Variants in CUX2 observed in about 807,000 individuals in gnomAD.
CUX2 encodes homeobox protein cut-like 2.
In CUX2, 40 loss-of-function variants were observed where a neutral mutation model predicts 144.8. The observed-to-expected ratio is 0.28, with a 90% CI of 0.21 to 0.36. The LOEUF (loss-of-function observed/expected upper bound fraction) is 0.36, where lower values mean the gene tolerates loss of function less well. CUX2 is among the 10% of genes least tolerant of loss of function. The pLI is 1.00. For synonymous variants in CUX2, 827 were observed against 875.6 expected (o/e 0.94, Z 0.98); for missense variants, 1,615 against 1,994.0 (o/e 0.81, Z 3.62).
At chr12:111,314,289 G>A (rs1184613705) in intron 16 of CUX2, among the ~76,000 whole-genome samples, 1 of 151,730 alleles carries the variant, frequency 6.6e-6, no homozygotes, top group Non-Finnish European at 1.5e-5. Flanking sequence ...GGCTGGGTGT[G>A]GCAGCTAACT....
intron 1 of CUX2, among the ~76,000 whole-genome samples, chr12:111,079,352 C>T (rs539575768): frequency 6.6e-6 from 1 of 152,276 alleles, no homozygotes; most frequent in Non-Finnish European, 1.5e-5. Flanking sequence ...ACATCATCTG[C>T]GACACACAGC....
At position 111,338,114 on chromosome 12, in the gene CUX2, C is replaced by CT. The variant is rs529834240; in HGVS notation, c.3197-171dup. Among the ~76,000 whole-genome samples, 3 of 152,318 alleles carry CT rather than the reference C, an allele frequency of 2.0e-5. No homozygotes were observed. In the South Asian group the frequency reaches 6.2e-4, roughly 32 times the overall value. ...AAATCTCTTTTACAGACAGACCCCC[C>CT]TCGGCTTCACATCAGGTGTGGGTCC... is the stretch of plus-strand genomic sequence containing the variant. On this transcript the variant is annotated intron_variant, in intron 19 of 21. Transcript: ENST00000261726.
chr12:111,191,712 T>C (rs1190989115), intron 1 of CUX2, among the ~76,000 whole-genome samples: 1 of 152,228 alleles, frequency 6.6e-6, no homozygotes, highest in African/African-American at 2.4e-5. Context: ...TGATATCCAC[T>C]GTGCCTTCTC....
intron 1 of CUX2, among the ~76,000 whole-genome samples, chr12:111,065,207 A>T (rs1477431020): frequency 6.6e-6 from 1 of 152,250 alleles, no homozygotes; most frequent in East Asian, 1.9e-4. Flanking sequence ...ACAGTCTCTA[A>T]CACAATGACT....
rs759922841 is a variant in CUX2 at position 111,077,210 on chromosome 12, C to T, written c.63+42970C>T. 6.6e-5 allele frequency among the ~76,000 whole-genome samples: 10 copies of T among 152,294 alleles called. No homozygotes were observed. The highest frequency in any genetic ancestry group is 1.2e-4 in the Non-Finnish European group (8 of 68,020). On this transcript the variant is annotated intron_variant, in intron 1 of 21. Coordinates refer to ENST00000261726, the MANE Select transcript of CUX2 (RefSeq NM_015267.4). The surrounding 1 kb of genome is among the most constrained non-coding windows in gnomAD (Gnocchi z 4.1). ...AATTCCAAATAGTGCTCCCAAACCC[C>T]GCAGCGCCCCCGAGGCCCAAGCTGG...
rs1436443395 is a variant in CUX2 at position 111,347,707 on chromosome 12, TGAG to T, written c.3847_3849del (p.Glu1283del). On this transcript the variant is annotated inframe_deletion, in exon 22 of 22. Transcript: ENST00000261726. ...AGGAACTGGAGCTTCAGGAGGGCCCTGAGGAGAACAGCACACCCCTGACCACCC... is the reference window on the plus strand; with the variant it reads ...AGGAACTGGAGCTTCAGGAGGGCCCTGAGAACAGCACACCCCTGACCACCC... 1 of 1,568,620 alleles carries T rather than the reference TGAG, an allele frequency of 6.4e-7. No individual in the cohort carries two copies. The highest frequency in any genetic ancestry group is 1.1e-5 in the South Asian group (1 of 90,298).
At position 111,347,711 on chromosome 12, in the gene CUX2, G is replaced by A. The variant is rs61745424; in HGVS notation, c.3847G>A (p.Glu1283Lys). 0.027 allele frequency: 44,326 copies of A among 1,613,874 alleles called. 952 individuals are homozygous for A. The highest frequency in any genetic ancestry group is 0.095 in the South Asian group (8,680 of 91,040). ...ACTGGAGCTTCAGGAGGGCCCTGAG[G>A]AGAACAGCACACCCCTGACCACCCA... ...KELELQEGPE[E>K]NSTPLTTQDK... Residue 1283 changes from glutamate to lysine, a missense_variant, in exon 22 of 22, where the codon GAG (glutamate) becomes AAG (lysine). Around this residue, in one of 12 missense-constraint regions of CUX2, gnomAD observed 298 missense variants for 330.4 expected, o/e 0.90. Coordinates refer to ENST00000261726, the MANE Select transcript of CUX2 (RefSeq NM_015267.4).
At position 111,307,327 on chromosome 12, in the gene CUX2, A is replaced by G. The variant is rs1886639792; in HGVS notation, c.1109+70A>G. On this transcript the variant is annotated intron_variant, in intron 12 of 21. Coordinates refer to ENST00000261726, the MANE Select transcript of CUX2 (RefSeq NM_015267.4). This position sits in a 1 kb window ranked among gnomAD's most constrained non-coding sequence, Gnocchi z 4.1. ...TGGCCAGGAGCTCTTGGCAAAGTTC[A>G]TCATCTTCCTCCCTCCTACTAAACC... 3.6e-6 allele frequency: 5 copies of G among 1,381,478 alleles called. No homozygotes were observed. The South Asian group carries it at 5.9e-5, about 16-fold the overall frequency. 85.6% of individuals were successfully genotyped at this position (1,381,478 alleles called of 1,614,324 possible). A position where few individuals can be genotyped will look rare whatever the true frequency, so the allele number is the denominator to read the frequency against.
rs1032867849 is a variant in CUX2 at position 111,310,759 on chromosome 12, G to A, written c.1900+77G>A. On this transcript the variant is annotated intron_variant, in intron 15 of 21. Coordinates refer to ENST00000261726, the MANE Select transcript of CUX2 (RefSeq NM_015267.4). This position sits in a 1 kb window ranked among gnomAD's most constrained non-coding sequence, Gnocchi z 7.9. Reference sequence around the variant, plus strand: ...CATCAGGGCTGGGGGCTGAGGACACGCGCTCTGGGTTCAAAGCCCAGCTCT... The same window carrying A: ...CATCAGGGCTGGGGGCTGAGGACACACGCTCTGGGTTCAAAGCCCAGCTCT... 1.9e-5 allele frequency: 28 copies of A among 1,470,248 alleles called. No homozygotes were observed. The highest frequency in any genetic ancestry group is 6.6e-5 in the Admixed American group (3 of 45,418). 91.1% of individuals were successfully genotyped at this position (1,470,248 alleles called of 1,614,324 possible). A position where few individuals can be genotyped will look rare whatever the true frequency, so the allele number is the denominator to read the frequency against.
chr12:111,302,539 C>G (rs1372274387), intron 9 of CUX2, among the ~76,000 whole-genome samples: 1 of 152,184 alleles, frequency 6.6e-6, no homozygotes, highest in Non-Finnish European at 1.5e-5. Flanking sequence ...AGATTTCTCT[C>G]CAAAGCCACA....
In CUX2 at chr12:111,187,012, C is replaced by CAAGT. The variant is rs1251182838; in HGVS notation, c.64-27187_64-27184dup. Among the ~76,000 whole-genome samples the CAAGT allele has an allele frequency of 3.3e-5, 5 of 152,316 alleles. No homozygotes were observed. In the East Asian group the frequency reaches 7.7e-4, roughly 24 times the overall value. On this transcript the variant is annotated intron_variant, in intron 1 of 21. Transcript: ENST00000261726. The stretch of plus-strand genomic sequence containing the variant: ...GAGGCTGGCTTCAAACTCCTGACCT[C>CAAGT]AAGTGATCCACCCACCTCGGCCTCC...
intron 1 of CUX2, among the ~76,000 whole-genome samples, chr12:111,052,352 A>G (rs1397024147): frequency 6.6e-6 from 1 of 152,024 alleles, no homozygotes; most frequent in Non-Finnish European, 1.5e-5. Flanking sequence ...GATTGTCATC[A>G]CCATGAGGGT....
rs1871120704 is a variant in CUX2 at position 111,068,673 on chromosome 12, G to A, written c.63+34433G>A. ...TAGCTCACCTGCTCTGCCTTGCGTG[G>A]TTCAACTCCGCCCCCTTCTTCCCTG... On this transcript the variant is annotated intron_variant, in intron 1 of 21. Transcript: ENST00000261726. This position sits in a 1 kb window ranked among gnomAD's most constrained non-coding sequence, Gnocchi z 4.9. 6.6e-6 allele frequency among the ~76,000 whole-genome samples: 1 copy of A among 152,322 alleles called. No individual in the cohort carries two copies. Among genetic ancestry groups the A allele is most frequent in the Middle Eastern group, 3.4e-3 (1 of 294 alleles).
At chr12:111,106,090 C>G (rs1450993638) in intron 1 of CUX2, among the ~76,000 whole-genome samples, 1 of 151,736 alleles carries the variant, frequency 6.6e-6, no homozygotes, top group Non-Finnish European at 1.5e-5. Context: ...GTCTCAAACT[C>G]TTGGGCCCAA....
intron 18 of CUX2, among the ~76,000 whole-genome samples, chr12:111,330,841 CATT>C (rs1266564154): frequency 2.7e-5 from 4 of 148,042 alleles, no homozygotes; most frequent in Non-Finnish European, 6.0e-5. Flanking sequence ...ACATCATCAT[CATT>C]GTCATCAGTA....
rs769269676 is a variant in CUX2 at position 111,107,057 on chromosome 12, G to A, written c.63+72817G>A. Among the ~76,000 whole-genome samples, 118 of 152,350 alleles carry A rather than the reference G, an allele frequency of 7.7e-4. 1 individual carries two copies. Among genetic ancestry groups the A allele is most frequent in the Non-Finnish European group, 1.3e-3 (90 of 68,040 alleles). ...ACGCAATGCCACCTTCCATTGGCTGGACAGTGTGTGCCAGGCATTGCGTTA... is the reference window on the plus strand; with the variant it reads ...ACGCAATGCCACCTTCCATTGGCTGAACAGTGTGTGCCAGGCATTGCGTTA... On this transcript the variant is annotated intron_variant, in intron 1 of 21. Coordinates refer to ENST00000261726, the MANE Select transcript of CUX2 (RefSeq NM_015267.4).
intron 3 of CUX2, among the ~76,000 whole-genome samples, chr12:111,228,026 GGA>G (rs1240242931): frequency 1.3e-5 from 2 of 152,154 alleles, no homozygotes; most frequent in Admixed American, 6.5e-5. Flanking sequence ...TATGGGGATG[GGA>G]GAGAGTCACC....
chr12:111,320,352 C>T lies in CUX2; in HGVS notation c.2343C>T (p.Asp781=), dbSNP rs370447580. 5.0e-6 allele frequency: 8 copies of T among 1,598,068 alleles called. No homozygotes were observed. In the East Asian group the frequency reaches 6.7e-5, roughly 13 times the overall value. ...GCAAGGTCAAGTCCGAGATCGGCGA[C>T]GCCGGCTACTTCGACCACCACTGGG... ...IIRKVKSEIG[D]AGYFDHHWAS... The change falls in exon 17 of 22, where the codon GAC becomes GAT. Residue 781 remains aspartate, a synonymous_variant. Transcript: ENST00000261726. This position sits in a 1 kb window ranked among gnomAD's most constrained non-coding sequence, Gnocchi z 8.1.
At chr12:111,245,489 G>A (rs1257325208) in intron 3 of CUX2, among the ~76,000 whole-genome samples, 1 of 151,632 alleles carries the variant, frequency 6.6e-6, no homozygotes, top group Non-Finnish European at 1.5e-5. Context: ...AGACATGGTG[G>A]CACACCCCTG....
Sources: allele counts gnomAD v4.1 joint callset (sites outside exome capture counted in the v4.1 genomes callset), GRCh38; gene constraint gnomAD v4.1.1; regional missense constraint gnomAD v4.1.1; non-coding constraint Gnocchi (gnomAD v3.1); transcripts MANE v1.5; gene names NCBI Gene and HGNC (gene_info 2026-07-23, HGNC 2026-07-21).